The following TOM1L2 variants were observed in gnomAD, a reference collection of about 807,000 sequenced individuals.
The protein encoded by TOM1L2 is TOM1-like protein 2.
TOM1L2 carries 31 observed loss-of-function variants against 67.9 expected under a neutral mutation model. The ratio of observed to expected loss-of-function variants is 0.46; its 90% CI spans 0.34 to 0.62. The LOEUF (loss-of-function observed/expected upper bound fraction) is 0.62, where lower values mean the gene tolerates loss of function less well. Ranked by LOEUF, TOM1L2 falls within the 20% of genes least tolerant of loss-of-function variation. The pLI, the probability that TOM1L2 is intolerant of heterozygous loss-of-function variation, is 0.01. For synonymous variants in TOM1L2, 256 were observed against 254.0 expected (o/e 1.01, Z -0.07); for missense variants, 606 against 663.5 (o/e 0.91, Z 0.95).
At chr17:17,869,078 GA>G in intron 8 of TOM1L2, 1 of 524,662 alleles carries the variant, frequency 1.9e-6, no homozygotes, top group Non-Finnish European at 3.1e-6. Flanking sequence ...GGGCAGTGGG[GA>G]AAGGCAGAGC....
At chr17:17,869,639 G>A (rs2037051083) in intron 7 of TOM1L2, 166 bp from the exon 8 acceptor site, 1 of 1,395,354 alleles carries the variant, frequency 7.2e-7, no homozygotes, top group African/African-American at 1.4e-5. Context: ...CCTCTTCACT[G>A]CCTGCCCCTC....
chr17:17,949,273 C>A (rs553262702), intron 1 of TOM1L2, among the ~76,000 whole-genome samples: 5 of 152,242 alleles, frequency 3.3e-5, no homozygotes, highest in South Asian at 4.2e-4. Flanking sequence ...CAGGAAAACC[C>A]AGCTCACCAT....
intron 7 of TOM1L2, among the ~76,000 whole-genome samples, chr17:17,870,966 C>T (rs1257544842): frequency 6.6e-6 from 1 of 152,218 alleles, no homozygotes. Context: ...TCTGCCCTCC[C>T]GTCTAGACTG....
chr17:17,914,972 A>G (rs2032296916), intron 1 of TOM1L2, among the ~76,000 whole-genome samples: 1 of 152,192 alleles, frequency 6.6e-6, no homozygotes, highest in Middle Eastern at 3.2e-3. Flanking sequence ...CAACAGCTAT[A>G]TTTTTGGAGT....
At chr17:17,879,550 C>T (rs1051087254) in intron 7 of TOM1L2, 77 bp downstream of exon 7, 5 of 1,186,648 alleles carry the variant, frequency 4.2e-6, no homozygotes, top group Non-Finnish European at 6.3e-6. Flanking sequence ...GCCGCTGTGT[C>T]CCCGGGTGGG....
Position 17,972,375 on chromosome 17 carries a change from C to G in TOM1L2, c.-62G>C. ...TCTGCCACCTAGGCCTCCGCTGTAA[C>G]CCGCCGGACTCCCGTCCTGACTGAC... On this transcript the variant is annotated 5_prime_UTR_variant, in exon 1 of 15. Transcript: ENST00000379504. The G allele has an allele frequency of 6.5e-7, 1 of 1,545,738 alleles. No individual in the cohort carries two copies. Among genetic ancestry groups the G allele is most frequent in the African/African-American group, 1.4e-5 (1 of 72,994 alleles).
intron 2 of TOM1L2, among the ~76,000 whole-genome samples, chr17:17,905,637 T>C (rs2039058096): frequency 6.6e-6 from 1 of 152,134 alleles, no homozygotes; most frequent in African/African-American, 2.4e-5. Flanking sequence ...CTCCTAGGCG[T>C]AAGCAATCTT....
At position 17,848,300 on chromosome 17, in the gene TOM1L2, G is replaced by T. The variant is rs533403592; in HGVS notation, c.1376-517C>A. On this transcript the variant is annotated intron_variant, in intron 14 of 14. Coordinates refer to ENST00000379504, the MANE Select transcript of TOM1L2 (RefSeq NM_001082968.2). ...TCTGGCCACAGGGTCTGGCAGACCTGGGGAGAGGAGGACAGGAGCACGGAG... is the reference window on the plus strand; with the variant it reads ...TCTGGCCACAGGGTCTGGCAGACCTTGGGAGAGGAGGACAGGAGCACGGAG... Among the ~76,000 whole-genome samples, 10 of 152,326 alleles carry T rather than the reference G, an allele frequency of 6.6e-5. No individual in the cohort carries two copies. The South Asian group carries it at 2.1e-3, about 32-fold the overall frequency.
chr17:17,929,562 C>T (rs773052629), intron 1 of TOM1L2, among the ~76,000 whole-genome samples: 8 of 151,920 alleles, frequency 5.3e-5, no homozygotes, highest in Non-Finnish European at 1.0e-4. Flanking sequence ...ACCCGGGAAG[C>T]GGAGGTTGTG....
chr17:17,925,884 C>A (rs1214389075), intron 1 of TOM1L2, among the ~76,000 whole-genome samples: 1 of 147,912 alleles, frequency 6.8e-6, no homozygotes, highest in African/African-American at 2.5e-5. Flanking sequence ...TAGGTATAGG[C>A]TATAGGTTAG....
intron 1 of TOM1L2, among the ~76,000 whole-genome samples, chr17:17,920,508 T>C (rs1237348329): frequency 6.6e-6 from 1 of 151,802 alleles, no homozygotes; most frequent in Non-Finnish European, 1.5e-5. Flanking sequence ...ACCAGCTAAT[T>C]TGTGTATTTT....
At chr17:17,913,284 C>A (rs2039486910) in intron 1 of TOM1L2, among the ~76,000 whole-genome samples, 3 of 136,638 alleles carry the variant, frequency 2.2e-5, no homozygotes, top group Admixed American at 2.1e-4. Flanking sequence ...AGAGGGAGAG[C>A]TGGATTTCAA....
intron 2 of TOM1L2, among the ~76,000 whole-genome samples, chr17:17,905,341 C>G (rs1260887181): frequency 6.6e-6 from 1 of 152,248 alleles, no homozygotes; most frequent in East Asian, 1.9e-4. Context: ...GCTCCCCAGC[C>G]TGCTCCACCT....
chr17:17,905,707 G>A (rs745712804), intron 2 of TOM1L2, among the ~76,000 whole-genome samples: 3 of 152,044 alleles, frequency 2.0e-5, no homozygotes, highest in Admixed American at 6.6e-5. Flanking sequence ...CCAGGCCATC[G>A]CTGGGTTTTC....
At chr17:17,883,004 G>C in intron 5 of TOM1L2, 141 bp from the exon 6 acceptor site, 1 of 1,013,452 alleles carries the variant, frequency 9.9e-7, no homozygotes. Context: ...CCCGGGTGAG[G>C]TTCACAGAAC....
intron 1 of TOM1L2, among the ~76,000 whole-genome samples, chr17:17,962,469 T>C (rs949868483): frequency 6.6e-6 from 1 of 151,948 alleles, no homozygotes; most frequent in Non-Finnish European, 1.5e-5. Flanking sequence ...CACACTGCCA[T>C]GCCCGGCTAA....
intron 2 of TOM1L2, among the ~76,000 whole-genome samples, chr17:17,905,187 C>T (rs766745475): frequency 4.6e-5 from 7 of 152,234 alleles, no homozygotes; most frequent in Non-Finnish European, 1.0e-4. Context: ...CTATATTTAG[C>T]TGGTGAAAAT....
In TOM1L2 at chr17:17,845,036, A is replaced by G. The variant is rs896643023; in HGVS notation, c.*2599T>C. 2.6e-5 allele frequency: 4 copies of G among 152,382 alleles called. No homozygotes were observed. The highest frequency in any genetic ancestry group is 9.7e-5 in the African/African-American group (4 of 41,438). The allele number at this position is 152,382 out of a possible 1,614,324, so 9.4% of individuals were successfully genotyped here. A position where few individuals can be genotyped will look rare whatever the true frequency, so the allele number is the denominator to read the frequency against. On this transcript the variant is annotated 3_prime_UTR_variant, in exon 15 of 15. Coordinates refer to ENST00000379504, the MANE Select transcript of TOM1L2 (RefSeq NM_001082968.2). The stretch of plus-strand genomic sequence containing the variant: ...GCAGCCTAAGGACTGTGCTCCCCAG[A>G]TGGTGGGGTCTGGGAGCAGAGATCT...
At chr17:17,848,788 A>G (rs766035170) in intron 14 of TOM1L2, 35 bp downstream of exon 14, 1 of 1,613,046 alleles carries the variant, frequency 6.2e-7, no homozygotes, top group South Asian at 1.1e-5. Context: ...CAGAGGCAAC[A>G]AAAGGGGGCT....
Sources: gnomAD v4.1 joint callset for allele counts (sites outside exome capture counted in the v4.1 genomes callset) on GRCh38, gnomAD v4.1.1 for gene constraint, MANE v1.5 for transcripts, NCBI Gene and HGNC (gene_info 2026-07-23, HGNC 2026-07-21) for gene names.